Variants in SCHIP1 observed in about 807,000 individuals in gnomAD.
The protein encoded by SCHIP1 is schwannomin interacting protein 1, also known as schwannomin-interacting protein 1.
SCHIP1 carries 8 observed loss-of-function variants against 29.7 expected under a neutral mutation model. The observed-to-expected ratio is 0.27, with a 90% CI of 0.16 to 0.49. The LOEUF (loss-of-function observed/expected upper bound fraction) is 0.49. SCHIP1 is among the 20% of genes least tolerant of loss of function. SCHIP1 has a pLI of 0.99. For synonymous variants in SCHIP1, 76 were observed against 94.9 expected (o/e 0.80, Z 1.16); for missense variants, 193 against 294.6 (o/e 0.66, Z 2.52).
At chr3:159,307,985 A>G in the SCHIP1 span, among the ~76,000 whole-genome samples, 1 of 151,774 alleles carries the variant, frequency 6.6e-6, no homozygotes, top group African/African-American at 2.4e-5. Flanking sequence ...GCTTTACAGT[A>G]TATATATTTT....
intron 1 of SCHIP1, among the ~76,000 whole-genome samples, chr3:159,865,780 A>G (rs1294401507): frequency 1.3e-5 from 2 of 152,250 alleles, no homozygotes; most frequent in Non-Finnish European, 2.9e-5. Context: ...AGAAGACAAG[A>G]TCAGGGAAAG....
the SCHIP1 span, among the ~76,000 whole-genome samples, chr3:159,457,117 G>A: frequency 3.4e-4 from 51 of 152,044 alleles, no homozygotes; most frequent in African/African-American, 9.4e-4. Context: ...TCATTTATAC[G>A]TGGTATTTTA....
chr3:159,673,025 A>G, the SCHIP1 span, among the ~76,000 whole-genome samples: 1 of 152,316 alleles, frequency 6.6e-6, no homozygotes, highest in African/African-American at 2.4e-5. Context: ...CAAATAAGAA[A>G]AAAAGTAACC....
the SCHIP1 span, among the ~76,000 whole-genome samples, chr3:159,593,282 G>A: frequency 6.6e-6 from 1 of 152,094 alleles, no homozygotes; most frequent in Non-Finnish European, 1.5e-5. Context: ...CTGGAGTTGA[G>A]GAATGACACA....
At chr3:159,843,966 C>T (rs1744532968) in intron 1 of SCHIP1, among the ~76,000 whole-genome samples, 2 of 152,064 alleles carry the variant, frequency 1.3e-5, no homozygotes, top group Admixed American at 6.6e-5. Flanking sequence ...GTTATCTATC[C>T]CCTTGTTTCT....
At chr3:159,331,749 T>C in the SCHIP1 span, among the ~76,000 whole-genome samples, 1 of 152,178 alleles carries the variant, frequency 6.6e-6, no homozygotes, top group Non-Finnish European at 1.5e-5. Flanking sequence ...CCTCTTGACT[T>C]TCTCTCTGCC....
the SCHIP1 span, among the ~76,000 whole-genome samples, chr3:159,684,803 C>CAAA: frequency 1.5e-5 from 1 of 64,870 alleles, no homozygotes. Context: ...GACTCTGTTG[C>CAAA]AAAAAAAAAA....
the SCHIP1 span, among the ~76,000 whole-genome samples, chr3:159,662,501 CAGAATCAACTA>C: frequency 1.7e-4 from 26 of 152,358 alleles, no homozygotes; most frequent in South Asian, 3.7e-3. Context: ...CCAGCCACAT[CAGAATCAACTA>C]AGAATCAACT....
chr3:159,812,918 T>C, the SCHIP1 span, among the ~76,000 whole-genome samples: 1 of 152,196 alleles, frequency 6.6e-6, no homozygotes, highest in Non-Finnish European at 1.5e-5. Flanking sequence ...CTTTATGCTG[T>C]ATCACAACAT....
chr3:159,394,597 GT>G, the SCHIP1 span, among the ~76,000 whole-genome samples: 1 of 152,046 alleles, frequency 6.6e-6, no homozygotes, highest in African/African-American at 2.4e-5. Flanking sequence ...CTTTGGCTCT[GT>G]TTATATGCTG....
chr3:159,396,879 C>T, the SCHIP1 span, among the ~76,000 whole-genome samples: 6 of 151,236 alleles, frequency 4.0e-5, no homozygotes, highest in Non-Finnish European at 5.9e-5. Context: ...CCTTGCTAGA[C>T]TGGGGAAGTT....
chr3:159,889,683 A>G (rs1314949331), intron 5 of SCHIP1, among the ~76,000 whole-genome samples: 1 of 152,252 alleles, frequency 6.6e-6, no homozygotes, highest in East Asian at 1.9e-4. Context: ...ATTCAAACCA[A>G]CTATAAAAAG....
chr3:159,713,548 G>A, the SCHIP1 span, among the ~76,000 whole-genome samples: 4 of 152,178 alleles, frequency 2.6e-5, no homozygotes, highest in East Asian at 5.8e-4. Flanking sequence ...GTAAAATTTA[G>A]TTTATCTTCT....
At chr3:159,345,659 T>G in the SCHIP1 span, among the ~76,000 whole-genome samples, 1 of 152,036 alleles carries the variant, frequency 6.6e-6, no homozygotes, top group Non-Finnish European at 1.5e-5. Context: ...TCTCTCCTAC[T>G]GCTTCTGAGT....
chr3:159,281,005 A>C, the SCHIP1 span, among the ~76,000 whole-genome samples: 3 of 152,300 alleles, frequency 2.0e-5, no homozygotes, highest in East Asian at 3.9e-4. Context: ...TACATTCCCT[A>C]TGTGACATGT....
At chr3:159,569,170 GT>G in the SCHIP1 span, among the ~76,000 whole-genome samples, 12 of 150,862 alleles carry the variant, frequency 8.0e-5, no homozygotes, top group Non-Finnish European at 8.9e-5. Context: ...CCAATTACTG[GT>G]TTTTTTTTAA....
the SCHIP1 span, among the ~76,000 whole-genome samples, chr3:159,786,666 CGTGTGTGTGT>C: frequency 0.076 from 9,448 of 124,862 alleles, 948 homozygotes; most frequent in African/African-American, 0.24. Context: ...TGAGTCAAAG[CGTGTGTGTGT>C]GTGTGTGTGT....
chr3:159,845,421 C>G (rs1243171912), intron 1 of SCHIP1: 4 of 151,132 alleles, frequency 2.6e-5, no homozygotes, highest in Non-Finnish European at 4.4e-5. Context: ...TGCTCCGTTG[C>G]CCAGGCTGGT....
chr3:159,866,066 TA>T, intron 1 of SCHIP1, 96 bp from the exon 3 acceptor site: 1 of 1,011,182 alleles, frequency 9.9e-7, no homozygotes, highest in Non-Finnish European at 1.5e-6. Flanking sequence ...GTTTTTCATC[TA>T]ATGTTACAGT....
Sources: gnomAD v4.1 joint callset for allele counts (sites outside exome capture counted in the v4.1 genomes callset) on GRCh38, gnomAD v4.1.1 for gene constraint, MANE v1.5 for transcripts, NCBI Gene and HGNC (gene_info 2026-07-23, HGNC 2026-07-21) for gene names.